ZDHHC20: variants seen among roughly 807,000 people sequenced by gnomAD.
ZDHHC20 encodes the protein zDHHC palmitoyltransferase 20.
Under a neutral mutation model 57.8 loss-of-function variants are expected in ZDHHC20, and 43 were observed. The observed-to-expected ratio is 0.74, with a 90% confidence interval of 0.58 to 0.96. The LOEUF (loss-of-function observed/expected upper bound fraction) is 0.96. Among genes scored for constraint, ZDHHC20 ranks in the 40% least tolerant of loss-of-function variants. The probability of loss-of-function intolerance (pLI) is 0.00; values close to 1 mark genes in which losing one functional copy is unlikely to be tolerated. For missense variants in ZDHHC20, 391 were observed against 441.1 expected (o/e 0.89, Z 1.02); for synonymous variants, 157 against 153.0 (o/e 1.03, Z -0.19).
chr13:21,397,776 A>G (rs1456174852), intron 7 of ZDHHC20, among the ~76,000 whole-genome samples: 1 of 152,320 alleles, frequency 6.6e-6, no homozygotes, highest in African/African-American at 2.4e-5. Flanking sequence ...AAATTTCACA[A>G]AAAAGACATG....
intron 1 of ZDHHC20, among the ~76,000 whole-genome samples, chr13:21,454,731 A>G (rs9509732): frequency 0.13 from 20,174 of 152,260 alleles, 1,718 homozygotes; most frequent in African/African-American, 0.23. Flanking sequence ...GCTAGCATGT[A>G]CAATGATAGT....
intron 1 of ZDHHC20, among the ~76,000 whole-genome samples, chr13:21,456,569 C>T (rs556394382): frequency 6.6e-6 from 1 of 152,090 alleles, no homozygotes; most frequent in African/African-American, 2.4e-5. Flanking sequence ...CAAATACATA[C>T]AAGTAGTTTA....
chr13:21,456,031 G>A (rs1884897207), intron 1 of ZDHHC20, among the ~76,000 whole-genome samples: 1 of 152,062 alleles, frequency 6.6e-6, no homozygotes, highest in Admixed American at 6.6e-5. Context: ...TCATTATTAA[G>A]ATTAAATGAA....
At chr13:21,439,191 T>C (rs1038458783) in intron 1 of ZDHHC20, among the ~76,000 whole-genome samples, 3 of 152,158 alleles carry the variant, frequency 2.0e-5, no homozygotes, top group Non-Finnish European at 2.9e-5. Context: ...TAAACCTAAA[T>C]TGAGGAACAT....
chr13:21,373,659 C>G lies in ZDHHC20; in HGVS notation c.*3037G>C, dbSNP rs938145744. 4.6e-5 allele frequency: 7 copies of G among 151,730 alleles called. No individual in the cohort carries two copies. Among genetic ancestry groups the G allele is most frequent in the African/African-American group, 1.7e-4 (7 of 41,410 alleles). The allele number at this position is 151,730 out of a possible 1,614,324, so 9.4% of individuals were successfully genotyped here. On this transcript the variant is annotated 3_prime_UTR_variant, in exon 13 of 13. Coordinates refer to ENST00000400590, the MANE Select transcript of ZDHHC20 (RefSeq NM_001330059.2). ...GGCAATGGCAAGACCTGAACTTCAA[C>G]TTTATTTTTCTTAAGGTGTCATCAC... is the stretch of plus-strand genomic sequence containing the variant.
intron 4 of ZDHHC20, among the ~76,000 whole-genome samples, chr13:21,409,696 T>A (rs1031232575): frequency 6.6e-6 from 1 of 152,206 alleles, no homozygotes; most frequent in Non-Finnish European, 1.5e-5. Context: ...GATACTTGTG[T>A]ATGCTTCACA....
intron 4 of ZDHHC20, among the ~76,000 whole-genome samples, chr13:21,409,098 G>A (rs763510858): frequency 1.5e-4 from 23 of 152,228 alleles, no homozygotes; most frequent in East Asian, 1.9e-4. Context: ...GCTAGGTTTC[G>A]GTATCAGGAT....
At chr13:21,457,989 C>T (rs1250613461) in intron 1 of ZDHHC20, among the ~76,000 whole-genome samples, 1 of 152,184 alleles carries the variant, frequency 6.6e-6, no homozygotes, top group African/African-American at 2.4e-5. Flanking sequence ...CCTAGGTTTT[C>T]ATAAAAAATT....
chr13:21,403,736 G>A (rs746828862), intron 4 of ZDHHC20, among the ~76,000 whole-genome samples: 16 of 152,234 alleles, frequency 1.1e-4, no homozygotes, highest in Middle Eastern at 6.8e-3. Context: ...CGCCCAGGCT[G>A]GAGTGCAGTT....
intron 9 of ZDHHC20, among the ~76,000 whole-genome samples, chr13:21,386,462 CATAT>C (rs1874509189): frequency 6.6e-6 from 1 of 152,162 alleles, no homozygotes; most frequent in Non-Finnish European, 1.5e-5. Context: ...ATAGAAAAAA[CATAT>C]ATAGACTAAC....
intron 8 of ZDHHC20, among the ~76,000 whole-genome samples, chr13:21,388,166 T>C (rs1373987785): frequency 2.0e-5 from 3 of 152,086 alleles, no homozygotes; most frequent in South Asian, 2.1e-4. Context: ...TCGGGGGTGC[T>C]TGTAGGGAAA....
At chr13:21,408,097 T>C (rs1346820835) in intron 4 of ZDHHC20, among the ~76,000 whole-genome samples, 9 of 152,240 alleles carry the variant, frequency 5.9e-5, no homozygotes, top group African/African-American at 2.2e-4. Context: ...GTCTCGGCTA[T>C]ACAGGCTCTT....
chr13:21,432,229 G>A (rs559822200), intron 1 of ZDHHC20, among the ~76,000 whole-genome samples: 10 of 152,044 alleles, frequency 6.6e-5, no homozygotes, highest in South Asian at 4.2e-4. Context: ...GCAGTGGTGC[G>A]ATTTCAGCTC....
At chr13:21,439,761 A>G (rs1480840877) in intron 1 of ZDHHC20, among the ~76,000 whole-genome samples, 1 of 151,958 alleles carries the variant, frequency 6.6e-6, no homozygotes, top group African/African-American at 2.4e-5. Context: ...TAATAACTGC[A>G]CTCTGGTTAT....
intron 1 of ZDHHC20, among the ~76,000 whole-genome samples, chr13:21,454,169 T>A (rs1884708934): frequency 6.6e-6 from 1 of 151,924 alleles, no homozygotes; most frequent in Non-Finnish European, 1.5e-5. Context: ...CTACTAAAAA[T>A]ACAAAAATTA....
At chr13:21,426,391 C>T (rs1353807370) in intron 1 of ZDHHC20, among the ~76,000 whole-genome samples, 1 of 152,104 alleles carries the variant, frequency 6.6e-6, no homozygotes, top group Non-Finnish European at 1.5e-5. Context: ...ATTCTTCAGT[C>T]CCTCCCCACT....
At chr13:21,401,157 C>T (rs1332268651) in intron 6 of ZDHHC20, among the ~76,000 whole-genome samples, 1 of 151,802 alleles carries the variant, frequency 6.6e-6, no homozygotes, top group African/African-American at 2.4e-5. Flanking sequence ...TGCATGCCTG[C>T]AGTCCCAGCT....
intron 4 of ZDHHC20, among the ~76,000 whole-genome samples, chr13:21,404,926 A>G (rs920813260): frequency 4.6e-5 from 7 of 152,242 alleles, no homozygotes; most frequent in African/African-American, 1.7e-4. Flanking sequence ...GCAATGTTAG[A>G]AGCTATAGCT....
chr13:21,381,313 A>C, intron 11 of ZDHHC20, 121 bp downstream of exon 11: 1 of 884,380 alleles, frequency 1.1e-6, no homozygotes, highest in Non-Finnish European at 1.7e-6. Context: ...GCATATATTT[A>C]AAAGTTTCAC....
Sources: allele counts gnomAD v4.1 joint callset (sites outside exome capture counted in the v4.1 genomes callset), GRCh38; gene constraint gnomAD v4.1.1; transcripts MANE v1.5; gene names NCBI Gene and HGNC (gene_info 2026-07-23, HGNC 2026-07-21).